CDYL2: variants seen among roughly 807,000 people sequenced by gnomAD.
CDYL2 encodes the protein chromodomain Y like 2, also known as chromodomain Y-like protein 2.
CDYL2 carries 23 observed loss-of-function variants against 49.4 expected under a neutral mutation model. The ratio of observed to expected loss-of-function variants is 0.47; its 90% CI spans 0.34 to 0.66. The LOEUF (loss-of-function observed/expected upper bound fraction) is 0.66, where lower values mean the gene tolerates loss of function less well. Among genes scored for constraint, CDYL2 ranks in the 30% least tolerant of loss-of-function variants. The pLI is 0.01. For synonymous variants in CDYL2, 360 were observed against 268.8 expected (o/e 1.34, Z -3.32); for missense variants, 678 against 656.4 (o/e 1.03, Z -0.36).
intron 1 of CDYL2, among the ~76,000 whole-genome samples, chr16:80,725,226 C>A (rs751750745): frequency 1.3e-5 from 2 of 150,468 alleles, no homozygotes; most frequent in Non-Finnish European, 3.0e-5. Flanking sequence ...ACACACTTTG[C>A]CTCACCAACA....
At chr16:80,725,636 T>TGC (rs1383651177) in intron 1 of CDYL2, among the ~76,000 whole-genome samples, 2 of 152,356 alleles carry the variant, frequency 1.3e-5, no homozygotes, top group African/African-American at 4.8e-5. Flanking sequence ...CTAAGCTACA[T>TGC]GCAGAAGTTC....
At chr16:80,730,983 G>A (rs907967825) in intron 1 of CDYL2, among the ~76,000 whole-genome samples, 1 of 152,042 alleles carries the variant, frequency 6.6e-6, no homozygotes, top group Non-Finnish European at 1.5e-5. Context: ...ATTACAAGGA[G>A]GCAAGAGGAA....
chr16:80,794,285 C>T (rs1337813520), intron 1 of CDYL2, among the ~76,000 whole-genome samples: 1 of 152,154 alleles, frequency 6.6e-6, no homozygotes, highest in Non-Finnish European at 1.5e-5. Context: ...CCTCCTCAAC[C>T]TCAAGTGGTA....
chr16:80,607,888 T>C (rs1597119502), intron 6 of CDYL2, among the ~76,000 whole-genome samples: 2 of 152,188 alleles, frequency 1.3e-5, no homozygotes, highest in Admixed American at 1.3e-4. Flanking sequence ...CTGGAGATGA[T>C]GGACAATTTG....
intron 1 of CDYL2, among the ~76,000 whole-genome samples, chr16:80,802,375 T>C (rs1245836512): frequency 2.0e-5 from 3 of 152,192 alleles, no homozygotes; most frequent in Admixed American, 6.5e-5. Flanking sequence ...ATATCTACTT[T>C]TAGCCAATGT....
intron 1 of CDYL2, among the ~76,000 whole-genome samples, chr16:80,694,251 G>A (rs11150303): frequency 0.51 from 77,252 of 152,038 alleles, 21,015 homozygotes; most frequent in Middle Eastern, 0.69. Flanking sequence ...GGCAGGAGGC[G>A]GAGCTCAGGT....
At chr16:80,732,986 G>C (rs1424347559) in intron 1 of CDYL2, among the ~76,000 whole-genome samples, 2 of 152,110 alleles carry the variant, frequency 1.3e-5, no homozygotes, top group Non-Finnish European at 2.9e-5. Context: ...TGTCCCAAAA[G>C]ATGTGATAAA....
At chr16:80,762,079 G>A (rs1368991149) in intron 1 of CDYL2, among the ~76,000 whole-genome samples, 2 of 151,976 alleles carry the variant, frequency 1.3e-5, no homozygotes, top group Admixed American at 6.6e-5. Context: ...CCAGGTACTC[G>A]GGAGGCTGAG....
chr16:80,635,685 A>C (rs1285391743), intron 2 of CDYL2, among the ~76,000 whole-genome samples: 1 of 152,232 alleles, frequency 6.6e-6, no homozygotes, highest in Non-Finnish European at 1.5e-5. Flanking sequence ...GTTACCACTG[A>C]ATTTCTTTAC....
At chr16:80,765,351 C>T (rs1376657387) in intron 1 of CDYL2, among the ~76,000 whole-genome samples, 1 of 151,578 alleles carries the variant, frequency 6.6e-6, no homozygotes, top group Non-Finnish European at 1.5e-5. Flanking sequence ...CGACGAAAGA[C>T]TAAAAACTGT....
chr16:80,663,048 A>G (rs1909112894), intron 2 of CDYL2, among the ~76,000 whole-genome samples: 1 of 149,716 alleles, frequency 6.7e-6, no homozygotes, highest in African/African-American at 2.4e-5. Context: ...TGATCAAAAG[A>G]CATAGGGGAA....
At chr16:80,625,523 T>C (rs979404041) in intron 3 of CDYL2, among the ~76,000 whole-genome samples, 2 of 152,214 alleles carry the variant, frequency 1.3e-5, no homozygotes, top group African/African-American at 2.4e-5. Context: ...AGCATAGTCA[T>C]AGATTCTGGA....
intron 2 of CDYL2, among the ~76,000 whole-genome samples, chr16:80,656,387 C>G (rs1320299676): frequency 2.6e-5 from 4 of 152,258 alleles, no homozygotes; most frequent in Non-Finnish European, 5.9e-5. Context: ...GGGTGACGTC[C>G]AGTCGGGGGC....
At position 80,745,965 on chromosome 16, in the gene CDYL2, C is replaced by T. The variant is rs1905914830; in HGVS notation, c.24+58185G>A. 2.6e-5 allele frequency among the ~76,000 whole-genome samples: 4 copies of T among 152,170 alleles called. No individual in the cohort carries two copies. The South Asian group carries it at 8.3e-4, about 32-fold the overall frequency. The stretch of plus-strand genomic sequence containing the variant: ...ACAGCCCTGTGACTGTCAGGATACC[C>T]CCTCCTGCTATCAATCAGCAAGGCT... On this transcript the variant is annotated intron_variant, in intron 1 of 6. Transcript: ENST00000570137.
In CDYL2 at chr16:80,720,142, C is replaced by T. The variant is rs9939101; in HGVS notation, c.25-35013G>A. On this transcript the variant is annotated intron_variant, in intron 1 of 6. Coordinates refer to ENST00000570137, the MANE Select transcript of CDYL2 (RefSeq NM_152342.4). ...ATAAGAATTTGAGCCATCTCTCGGG[C>T]CCTGAAACTACACAATATCCACACA... Among the ~76,000 whole-genome samples the T allele has an allele frequency of 4.2e-3, 645 of 152,194 alleles. 5 individuals are homozygous for T. Among genetic ancestry groups the T allele is most frequent in the African/African-American group, 0.015 (621 of 41,548 alleles).
chr16:80,714,255 T>C (rs1478860011), intron 1 of CDYL2, among the ~76,000 whole-genome samples: 1 of 152,024 alleles, frequency 6.6e-6, no homozygotes, highest in Non-Finnish European at 1.5e-5. Flanking sequence ...GGGATACCTG[T>C]ACCATCAGAT....
At chr16:80,768,257 C>T (rs988182509) in intron 1 of CDYL2, among the ~76,000 whole-genome samples, 1 of 152,204 alleles carries the variant, frequency 6.6e-6, no homozygotes, top group Non-Finnish European at 1.5e-5. Flanking sequence ...CATTCCCTCT[C>T]TCTCTCCCTA....
At chr16:80,745,278 C>T (rs979001653) in intron 1 of CDYL2, among the ~76,000 whole-genome samples, 1 of 152,196 alleles carries the variant, frequency 6.6e-6, no homozygotes. Context: ...CACCAGCCAA[C>T]CTCTTCTGTG....
At chr16:80,734,383 T>C (rs1175488341) in intron 1 of CDYL2, among the ~76,000 whole-genome samples, 1 of 152,090 alleles carries the variant, frequency 6.6e-6, no homozygotes, top group East Asian at 1.9e-4. Context: ...AGGCACGAGG[T>C]TGAGATAGTT....
Sources: allele counts gnomAD v4.1 joint callset (sites outside exome capture counted in the v4.1 genomes callset), GRCh38; gene constraint gnomAD v4.1.1; transcripts MANE v1.5; gene names NCBI Gene and HGNC (gene_info 2026-07-23, HGNC 2026-07-21).